The following TES variants were observed in gnomAD, a reference collection of about 807,000 sequenced individuals.
TES encodes the protein testin LIM domain protein.
In TES, 41 loss-of-function variants were observed where a neutral mutation model predicts 48.2. The ratio of observed to expected loss-of-function variants is 0.85; its 90% CI spans 0.66 to 1.10. TES has a LOEUF of 1.10. TES is among the 50% of genes least tolerant of loss of function. The pLI is 0.00. For missense variants in TES, 463 were observed against 515.1 expected (o/e 0.90, Z 0.98); for synonymous variants, 162 against 174.9 (o/e 0.93, Z 0.58).
chr7:116,249,382 T>A lies in TES; in HGVS notation c.366+110T>A, dbSNP rs184457790. ...TCACACATCCCAGATCTGTTATTCT[T>A]CCGGGGTTCTCATTACTTTGACTTC... On this transcript the variant is annotated intron_variant, in intron 3 of 6. Transcript: ENST00000358204. The A allele has an allele frequency of 5.5e-6, 7 of 1,270,820 alleles. No homozygotes were observed. The East Asian group carries it at 1.7e-4, about 30-fold the overall frequency. 78.7% of individuals were successfully genotyped at this position (1,270,820 alleles called of 1,614,324 possible). A position where few individuals can be genotyped will look rare whatever the true frequency, so the allele number is the denominator to read the frequency against.
At position 116,210,612 on chromosome 7, in the gene TES, G is replaced by T; in HGVS notation, c.-96G>T. 1.6e-6 allele frequency: 2 copies of T among 1,230,932 alleles called. No homozygotes were observed. The highest frequency in any genetic ancestry group is 2.1e-6 in the Non-Finnish European group (2 of 962,804). 76.3% of individuals were successfully genotyped at this position (1,230,932 alleles called of 1,614,324 possible). On this transcript the variant is annotated 5_prime_UTR_variant, in exon 1 of 7. Transcript: ENST00000358204. ...TGTTGAGCGGCGCCGCGGGAGTTCC[G>T]CAGGTTTCCCGTGTTCGCAGCGGAG...
At chr7:116,210,773 T>TGCGCGGGTC in intron 1 of TES, 39 bp downstream of exon 1, 1 of 1,233,886 alleles carries the variant, frequency 8.1e-7, no homozygotes, top group Non-Finnish European at 1.0e-6. Context: ...CTGCTTCACC[T>TGCGCGGGTC]GCGCGGGTCG....
At chr7:116,224,445 A>G (rs1799596550) in intron 1 of TES, among the ~76,000 whole-genome samples, 1 of 152,236 alleles carries the variant, frequency 6.6e-6, no homozygotes, top group Non-Finnish European at 1.5e-5. Flanking sequence ...CATATAATAT[A>G]GCAGATAATT....
chr7:116,213,400 T>C lies in TES; in HGVS notation c.27+2666T>C, dbSNP rs529371989. Among the ~76,000 whole-genome samples the C allele has an allele frequency of 2.0e-5, 3 of 152,374 alleles. No homozygotes were observed. In the South Asian group the frequency reaches 6.2e-4, roughly 32 times the overall value. ...GTATGACATTTTTTCCTTCTAAAAC[T>C]TTTACATTGTTGATTTCATGAGGAA... is the stretch of plus-strand genomic sequence containing the variant. On this transcript the variant is annotated intron_variant, in intron 1 of 6. Transcript: ENST00000358204.
intron 1 of TES, among the ~76,000 whole-genome samples, chr7:116,218,331 A>G (rs771286754): frequency 9.2e-5 from 14 of 152,154 alleles, no homozygotes; most frequent in Non-Finnish European, 1.9e-4. Flanking sequence ...CCCAGCAGAA[A>G]TGCCTTGATA....
intron 1 of TES, among the ~76,000 whole-genome samples, 163 bp from the exon 2 acceptor site, chr7:116,234,371 G>A (rs926387637): frequency 1.3e-5 from 2 of 152,078 alleles, no homozygotes; most frequent in Non-Finnish European, 2.9e-5. Flanking sequence ...GTATGTACTT[G>A]GAACTGCCAT....
At chr7:116,226,819 G>C (rs1799626422) in intron 1 of TES, among the ~76,000 whole-genome samples, 4 of 152,136 alleles carry the variant, frequency 2.6e-5, no homozygotes. Flanking sequence ...GGAGGCCTCT[G>C]GGCCCCAGGT....
At chr7:116,210,942 A>G (rs1209734250) in intron 1 of TES, 1 of 366,554 alleles carries the variant, frequency 2.7e-6, no homozygotes, top group Non-Finnish European at 4.9e-6. Flanking sequence ...CTCGGGAGCG[A>G]CAGAATTGGA....
At chr7:116,251,260 G>A (rs1800002512) in intron 4 of TES, among the ~76,000 whole-genome samples, 2 of 152,316 alleles carry the variant, frequency 1.3e-5, no homozygotes, top group African/African-American at 4.8e-5. Flanking sequence ...ATAGCCGGGA[G>A]AAAGCTGAGA....
chr7:116,252,029 T>C (rs1231747665), intron 5 of TES, 54 bp downstream of exon 5: 1 of 1,551,102 alleles, frequency 6.4e-7, no homozygotes, highest in Admixed American at 1.7e-5. Context: ...CCTCATATGG[T>C]CCCTTTACCT....
intron 3 of TES, 79 bp downstream of exon 3, chr7:116,249,351 T>G (rs1799971694): frequency 6.6e-7 from 1 of 1,514,490 alleles, no homozygotes; most frequent in African/African-American, 1.4e-5. Context: ...GATGACCTAA[T>G]CAACTTCACA....
chr7:116,231,612 G>C (rs1799701229), intron 1 of TES, among the ~76,000 whole-genome samples: 1 of 152,184 alleles, frequency 6.6e-6, no homozygotes, highest in Admixed American at 6.5e-5. Flanking sequence ...TTGGTGATTA[G>C]TTGAAAGCCT....
intron 1 of TES, among the ~76,000 whole-genome samples, chr7:116,218,167 T>C (rs2116573118): frequency 6.6e-6 from 1 of 152,238 alleles, no homozygotes; most frequent in East Asian, 1.9e-4. Flanking sequence ...ATACTTAATC[T>C]GAAATGCTGA....
chr7:116,254,561 C>T (rs978664205), intron 6 of TES, among the ~76,000 whole-genome samples: 6 of 151,924 alleles, frequency 3.9e-5, no homozygotes, highest in African/African-American at 1.5e-4. Flanking sequence ...TGGTGAAACC[C>T]CGTCTCTATT....
intron 2 of TES, among the ~76,000 whole-genome samples, chr7:116,238,787 G>A (rs1238404496): frequency 6.6e-6 from 1 of 151,994 alleles, no homozygotes; most frequent in Non-Finnish European, 1.5e-5. Flanking sequence ...TTTTAGTAGA[G>A]ACGGGGTTTC....
intron 2 of TES, among the ~76,000 whole-genome samples, chr7:116,239,933 T>C (rs1799823348): frequency 6.6e-6 from 1 of 152,244 alleles, no homozygotes; most frequent in Non-Finnish European, 1.5e-5. Context: ...CCATGTCATT[T>C]ATCATATTAA....
At chr7:116,228,576 T>C (rs955268329) in intron 1 of TES, among the ~76,000 whole-genome samples, 8 of 152,222 alleles carry the variant, frequency 5.3e-5, no homozygotes, top group African/African-American at 1.9e-4. Context: ...AATAATTACG[T>C]GCAACAGGAC....
intron 1 of TES, among the ~76,000 whole-genome samples, chr7:116,216,821 C>T (rs957905756): frequency 4.0e-5 from 6 of 151,770 alleles, no homozygotes; most frequent in African/African-American, 1.5e-4. Flanking sequence ...TAGTGTGGGT[C>T]CCATAAGTCT....
rs1799984353 is a variant in TES at position 116,250,231 on chromosome 7, G to A, written c.437G>A (p.Arg146Gln). ...PVAGSEGAQYRKKQLAKQLPA... is the reference protein window; with the variant it reads ...PVAGSEGAQYQKKQLAKQLPA... ...GCAGGCTCAGAGGGGGCACAGTACC[G>A]GAAGAAGCAGCTGGCAAAGCAGCTC... The change falls in exon 4 of 7, where the codon CGG (arginine) becomes CAG (glutamine). Residue 146 changes from arginine (R) to glutamine (Q), a missense_variant. Transcript: ENST00000358204. 1.2e-6 allele frequency: 2 copies of A among 1,606,356 alleles called. No homozygotes were observed. The highest frequency in any genetic ancestry group is 1.7e-6 in the Non-Finnish European group (2 of 1,176,550).
Sources: gnomAD v4.1 joint callset for allele counts (sites outside exome capture counted in the v4.1 genomes callset) on GRCh38, gnomAD v4.1.1 for gene constraint, MANE v1.5 for transcripts, NCBI Gene and HGNC (gene_info 2026-07-23, HGNC 2026-07-21) for gene names.